The following MRPS28 variants were observed in gnomAD, a reference collection of about 807,000 sequenced individuals.
MRPS28 encodes the protein mitochondrial ribosomal protein S28.
In MRPS28, 7 loss-of-function variants were observed where a neutral mutation model predicts 10.8. The observed-to-expected ratio is 0.65, with a 90% CI of 0.37 to 1.22. MRPS28 has a LOEUF of 1.22. MRPS28 is among the 50% of genes most tolerant of loss of function. The probability of loss-of-function intolerance (pLI) is 0.02; values close to 1 mark genes in which losing one functional copy is unlikely to be tolerated. For missense variants in MRPS28, 265 were observed against 232.9 expected, an observed-to-expected ratio of 1.14 and a Z score of -0.90; for synonymous variants, 121 against 93.3, an observed-to-expected ratio of 1.30 and a Z score of -1.71.
Position 80,030,116 on chromosome 8 carries a change from G to A in MRPS28, c.133C>T (p.Pro45Ser). ...GCGAAACCGCCTGCGCGCGTCTTAG[G>A]CTCCTTGGCATTGGAACTACCACTT... ...SESGSSNAKE[P>S]KTRAGGFASA... is the part of the protein sequence containing the mutation. The change falls in exon 1 of 3, where the codon CCT becomes TCT. Residue 45 changes from proline (P) to serine (S), a missense_variant. Pro to Ser is a moderately conservative substitution (Grantham distance 74). Coordinates refer to ENST00000276585, the MANE Select transcript of MRPS28 (RefSeq NM_014018.3). The A allele has an allele frequency of 6.2e-7, 1 of 1,613,672 alleles. No individual in the cohort carries two copies. Among genetic ancestry groups the A allele is most frequent in the Non-Finnish European group, 8.5e-7 (1 of 1,180,008 alleles).
At chr8:79,951,378 C>T (rs1807076687) in intron 2 of MRPS28, among the ~76,000 whole-genome samples, 1 of 152,166 alleles carries the variant, frequency 6.6e-6, no homozygotes, top group South Asian at 2.1e-4. Flanking sequence ...GTTATAAGGG[C>T]AAACCAGTGG....
At chr8:80,006,734 C>T (rs941818680) in intron 1 of MRPS28, among the ~76,000 whole-genome samples, 3 of 152,156 alleles carry the variant, frequency 2.0e-5, no homozygotes, top group South Asian at 2.1e-4. Context: ...GAAGTTGAAT[C>T]CCTGAATAGA....
At chr8:80,008,934 C>T (rs1268517489) in intron 1 of MRPS28, among the ~76,000 whole-genome samples, 2 of 152,128 alleles carry the variant, frequency 1.3e-5, no homozygotes, top group South Asian at 2.1e-4. Context: ...GGTATATACC[C>T]AAAGGATTAT....
intron 2 of MRPS28, among the ~76,000 whole-genome samples, chr8:79,980,898 C>T (rs933833587): frequency 3.3e-5 from 5 of 152,330 alleles, no homozygotes; most frequent in East Asian, 1.9e-4. Flanking sequence ...TCAACACCAT[C>T]GTCACCATCA....
intron 2 of MRPS28, among the ~76,000 whole-genome samples, chr8:79,988,425 T>TAATAA (rs1252221331): frequency 1.3e-5 from 2 of 148,504 alleles, no homozygotes; most frequent in African/African-American, 4.9e-5. Flanking sequence ...AGTATAATAA[T>TAATAA]AATAAAATAA....
chr8:79,940,575 T>C (rs949288497), intron 2 of MRPS28, among the ~76,000 whole-genome samples: 1 of 152,262 alleles, frequency 6.6e-6, no homozygotes, highest in African/African-American at 2.4e-5. Context: ...GCAGAATCTT[T>C]CTTTTTTCAC....
At chr8:79,935,785 T>C (rs1212655140) in intron 2 of MRPS28, among the ~76,000 whole-genome samples, 1 of 152,204 alleles carries the variant, frequency 6.6e-6, no homozygotes, top group Non-Finnish European at 1.5e-5. Context: ...AGTATTTCTA[T>C]ACAAATATTA....
rs545108989 is a variant in MRPS28, at chr8:80,005,883, AAAG to A, written c.214-2706_214-2704del. Among the ~76,000 whole-genome samples the A allele has an allele frequency of 1.7e-3, 255 of 152,224 alleles. 1 individual carries two copies. The highest frequency in any genetic ancestry group is 2.9e-3 in the Non-Finnish European group (200 of 67,998). On this transcript the variant is annotated intron_variant, in intron 1 of 2. Coordinates refer to ENST00000276585, the MANE Select transcript of MRPS28 (RefSeq NM_014018.3). ...TAAACCAACAAAGATCAAAAGAGAC[AAAG>A]AAGGCCACTACTTAATGGTAAAGGG...
intron 1 of MRPS28, among the ~76,000 whole-genome samples, chr8:80,023,589 G>A (rs931116578): frequency 6.6e-6 from 1 of 151,980 alleles, no homozygotes; most frequent in South Asian, 2.1e-4. Flanking sequence ...CTAATATATT[G>A]CTAAAATAAG....
intron 2 of MRPS28, among the ~76,000 whole-genome samples, chr8:79,924,236 G>A (rs752326341): frequency 1.1e-4 from 16 of 152,180 alleles, no homozygotes; most frequent in Admixed American, 1.3e-4. Flanking sequence ...AAATCATTCA[G>A]ATATTTTTCT....
intron 2 of MRPS28, among the ~76,000 whole-genome samples, chr8:79,970,610 C>T (rs1269902622): frequency 6.6e-6 from 1 of 152,156 alleles, no homozygotes; most frequent in Non-Finnish European, 1.5e-5. Context: ...ACTTGGGCTC[C>T]AGCAACTTTT....
intron 2 of MRPS28, among the ~76,000 whole-genome samples, chr8:79,942,639 T>A (rs1806799567): frequency 1.3e-5 from 2 of 152,178 alleles, no homozygotes; most frequent in Admixed American, 6.5e-5. Context: ...ACCCAACAGT[T>A]CTTATGAATA....
At chr8:79,985,380 G>A (rs890959625) in intron 2 of MRPS28, among the ~76,000 whole-genome samples, 10 of 152,008 alleles carry the variant, frequency 6.6e-5, no homozygotes, top group African/African-American at 2.4e-4. Flanking sequence ...AAAAGCAAGA[G>A]CAAACACATT....
At chr8:79,940,421 C>A (rs2129929968) in intron 2 of MRPS28, among the ~76,000 whole-genome samples, 1 of 152,260 alleles carries the variant, frequency 6.6e-6, no homozygotes, top group East Asian at 1.9e-4. Context: ...ATGGTGAGGG[C>A]TGGTAGGAAA....
chr8:79,982,569 C>A (rs574052777), intron 2 of MRPS28, among the ~76,000 whole-genome samples: 1 of 152,168 alleles, frequency 6.6e-6, no homozygotes, highest in African/African-American at 2.4e-5. Context: ...CCTAATACTG[C>A]GCTTTTCCGA....
intron 2 of MRPS28, among the ~76,000 whole-genome samples, chr8:79,930,822 A>G (rs1687758691): frequency 6.6e-6 from 1 of 152,246 alleles, no homozygotes; most frequent in Non-Finnish European, 1.5e-5. Context: ...CTTATTCTAA[A>G]TATCATCAAT....
At chr8:79,988,045 G>T (rs1808244402) in intron 2 of MRPS28, among the ~76,000 whole-genome samples, 3 of 151,698 alleles carry the variant, frequency 2.0e-5, no homozygotes, top group African/African-American at 7.3e-5. Context: ...ATGATAGACT[G>T]AATTAAGAAA....
At chr8:80,029,675 C>G (rs1809595399) in intron 1 of MRPS28, 1 of 1,287,848 alleles carries the variant, frequency 7.8e-7, no homozygotes, top group Middle Eastern at 2.1e-4. Flanking sequence ...CCAGCAGAGC[C>G]CTGCCTCTCC....
chr8:79,973,843 A>AG (rs1333857981), intron 2 of MRPS28, among the ~76,000 whole-genome samples: 1 of 151,738 alleles, frequency 6.6e-6, no homozygotes, highest in Admixed American at 6.6e-5. Context: ...AATTAATAAA[A>AG]AAAAAAAAAA....
Sources: allele counts gnomAD v4.1 joint callset (sites outside exome capture counted in the v4.1 genomes callset), GRCh38; gene constraint gnomAD v4.1.1; transcripts MANE v1.5; gene names NCBI Gene and HGNC (gene_info 2026-07-23, HGNC 2026-07-21).